Variants in TRDN observed in about 807,000 individuals in gnomAD.
The protein encoded by TRDN is triadin in skeletal muscle.
Under a neutral mutation model 149.7 loss-of-function variants are expected in TRDN, and 161 were observed. The observed-to-expected ratio is 1.08, with a 90% CI of 0.95 to 1.23. The LOEUF (loss-of-function observed/expected upper bound fraction) is 1.23, where lower values mean the gene tolerates loss of function less well. Among genes scored for constraint, TRDN ranks in the 50% most tolerant of loss-of-function variants. TRDN has a pLI of 0.00. For missense variants in TRDN, 896 were observed against 823.5 expected, an observed-to-expected ratio of 1.09 and a Z score of -1.08; for synonymous variants, 294 against 250.5, an observed-to-expected ratio of 1.17 and a Z score of -1.64.
chr6:123,384,350 T>C (rs1238508168), intron 14 of TRDN, among the ~76,000 whole-genome samples: 1 of 152,128 alleles, frequency 6.6e-6, no homozygotes, highest in Non-Finnish European at 1.5e-5. Context: ...GCCCAAGCAG[T>C]TCTGTGTTCC....
At chr6:123,464,255 C>A in intron 10 of TRDN, 1 of 984,188 alleles carries the variant, frequency 1.0e-6, no homozygotes, top group Non-Finnish European at 1.2e-6. Context: ...ATGACTTTAA[C>A]GTTCCAGCAA....
At chr6:123,529,105 T>C (rs1383692532) in intron 5 of TRDN, 2 of 1,475,366 alleles carry the variant, frequency 1.4e-6, no homozygotes, top group African/African-American at 2.8e-5. Flanking sequence ...TGGTGCCATC[T>C]ACATTACTAC....
chr6:123,449,710 CA>C (rs1165763257), intron 10 of TRDN, among the ~76,000 whole-genome samples: 1 of 152,086 alleles, frequency 6.6e-6, no homozygotes, highest in Non-Finnish European at 1.5e-5. Context: ...ATACAAGAAG[CA>C]CAAAGAACAC....
chr6:123,370,766 T>A (rs549697085), intron 19 of TRDN, among the ~76,000 whole-genome samples: 343 of 152,304 alleles, frequency 2.3e-3, no homozygotes, highest in African/African-American at 7.7e-3. Flanking sequence ...AATACTATCT[T>A]GTACTTTTAA....
intron 13 of TRDN, among the ~76,000 whole-genome samples, chr6:123,390,918 G>A (rs184479422): frequency 2.0e-5 from 3 of 152,090 alleles, no homozygotes; most frequent in Non-Finnish European, 4.4e-5. Flanking sequence ...GTTTGCTTCA[G>A]GAATCCAGAA....
chr6:123,437,835 G>C (rs1322852908), intron 12 of TRDN, among the ~76,000 whole-genome samples: 1 of 152,006 alleles, frequency 6.6e-6, no homozygotes, highest in Non-Finnish European at 1.5e-5. Flanking sequence ...TTTTTTTGGG[G>C]GGGAATTGAG....
intron 38 of TRDN, among the ~76,000 whole-genome samples, chr6:123,230,395 G>A (rs1443363430): frequency 6.6e-6 from 1 of 151,902 alleles, no homozygotes; most frequent in East Asian, 1.9e-4. Flanking sequence ...CTTGCGGTGG[G>A]AGGAGGGGGG....
intron 35 of TRDN, 33 bp from the exon 36 acceptor site, chr6:123,255,935 T>C (rs1253355357): frequency 2.5e-6 from 3 of 1,183,140 alleles, no homozygotes; most frequent in East Asian, 3.3e-5. Context: ...GGGTAATTTA[T>C]TTTTTTATTT....
chr6:123,263,694 T>C (rs771028204), intron 33 of TRDN, among the ~76,000 whole-genome samples: 5 of 152,032 alleles, frequency 3.3e-5, no homozygotes, highest in Non-Finnish European at 5.9e-5. Context: ...AGAACTTTCA[T>C]AGCTAGAGAG....
In TRDN at chr6:123,494,053, C is replaced by T. The variant is rs188908668; in HGVS notation, c.853+3140G>A. Among the ~76,000 whole-genome samples the T allele has an allele frequency of 3.1e-4, 47 of 152,208 alleles. 1 individual carries two copies. The highest frequency in any genetic ancestry group is 1.0e-3 in the Admixed American group (16 of 15,286). ...TTTCAACTCCTGGACAAGAAATACT[C>T]GCTTTTCAAGTATTTCTTTCATTTC... On this transcript the variant is annotated intron_variant, in intron 9 of 40. Coordinates refer to ENST00000334268, the MANE Select transcript of TRDN (RefSeq NM_006073.4).
intron 10 of TRDN, among the ~76,000 whole-genome samples, chr6:123,460,187 C>G (rs1447266724): frequency 6.6e-6 from 1 of 152,140 alleles, no homozygotes; most frequent in African/African-American, 2.4e-5. Context: ...GCTGTGTATA[C>G]AAAACATTCC....
intron 4 of TRDN, among the ~76,000 whole-genome samples, chr6:123,541,020 A>G (rs1392967159): frequency 6.6e-6 from 1 of 152,234 alleles, no homozygotes; most frequent in Non-Finnish European, 1.5e-5. Flanking sequence ...CAACTAGCAC[A>G]TTAGTTTCTC....
chr6:123,287,768 A>G (rs963236196), intron 24 of TRDN, among the ~76,000 whole-genome samples: 2 of 152,248 alleles, frequency 1.3e-5, no homozygotes, highest in Admixed American at 6.6e-5. Context: ...TCAAATTTAT[A>G]TAAGAAAAAA....
intron 12 of TRDN, among the ~76,000 whole-genome samples, chr6:123,428,431 A>G (rs76065858): frequency 0.011 from 1,607 of 152,278 alleles, 35 homozygotes; most frequent in East Asian, 0.078. Flanking sequence ...ACATAGGCCA[A>G]TCCCAAGGGA....
At chr6:123,551,468 T>C in intron 2 of TRDN, among the ~76,000 whole-genome samples, 1 of 150,794 alleles carries the variant, frequency 6.6e-6, no homozygotes, top group South Asian at 2.2e-4. Flanking sequence ...GGAAAAAATA[T>C]TATTCAACGC....
At chr6:123,227,940 C>T (rs1775448461) in intron 38 of TRDN, among the ~76,000 whole-genome samples, 1 of 151,640 alleles carries the variant, frequency 6.6e-6, no homozygotes, top group Non-Finnish European at 1.5e-5. Context: ...GAACATAATC[C>T]AAATCTCCTA....
intron 5 of TRDN, among the ~76,000 whole-genome samples, chr6:123,524,968 G>C (rs1779874653): frequency 6.6e-6 from 1 of 151,878 alleles, no homozygotes; most frequent in Admixed American, 6.6e-5. Flanking sequence ...CTTAACATCA[G>C]TAACCATCAG....
chr6:123,350,932 T>C, intron 21 of TRDN: 1 of 985,046 alleles, frequency 1.0e-6, no homozygotes, highest in Non-Finnish European at 1.2e-6. Context: ...CAGTCTCTTG[T>C]CCACTAGAGG....
At chr6:123,441,869 A>C (rs1449863558) in intron 10 of TRDN, 1 of 152,232 alleles carries the variant, frequency 6.6e-6, no homozygotes, top group East Asian at 1.9e-4. Context: ...TCTGTGTATC[A>C]GATGAGTGCT....
Sources: allele counts gnomAD v4.1 joint callset (sites outside exome capture counted in the v4.1 genomes callset), GRCh38; gene constraint gnomAD v4.1.1; transcripts MANE v1.5; gene names NCBI Gene and HGNC (gene_info 2026-07-23, HGNC 2026-07-21).